The following ESS2 variants were observed in gnomAD, a reference collection of about 807,000 sequenced individuals.
The protein encoded by ESS2 is ess-2 spliceosome associated protein.
A neutral mutation model predicts 52.0 loss-of-function variants in ESS2; 31 were observed. The ratio of observed to expected loss-of-function variants is 0.60; its 90% CI spans 0.45 to 0.81. The LOEUF is 0.81. Ranked by LOEUF, ESS2 falls within the 30% of genes least tolerant of loss-of-function variation. ESS2 has a pLI of 0.00. For synonymous variants in ESS2, 285 were observed against 259.2 expected (o/e 1.10, Z -0.95); for missense variants, 602 against 637.2 (o/e 0.94, Z 0.59).
chr22:19,143,408 A>C (rs1283224309), intron 1 of ESS2, among the ~76,000 whole-genome samples: 1 of 152,164 alleles, frequency 6.6e-6, no homozygotes, highest in Middle Eastern at 3.4e-3. Flanking sequence ...TGCAACCTCT[A>C]ACATTACTAA....
chr22:19,140,307 G>A (rs1295990870), intron 3 of ESS2, among the ~76,000 whole-genome samples: 1 of 152,190 alleles, frequency 6.6e-6, no homozygotes, highest in African/African-American at 2.4e-5. Context: ...ATTCAGACTG[G>A]AGAAAGCAAT....
At position 19,137,323 on chromosome 22, in the gene ESS2, C is replaced by A; in HGVS notation, c.1035G>T (p.Lys345Asn). ...CAGTTCCCCCATCACCACAACCCAC[C>A]TTAAAAGCTGGGCCGGGTGTCCTGT... ...YVDRTPGPAF[K>N]ILEPGRRERL... The change falls in exon 8 of 10, where the codon AAG becomes AAT. Residue 345 changes from lysine (K) to asparagine (N), a missense_variant and splice_region_variant. Transcript: ENST00000252137. 1 of 1,611,322 alleles carries A rather than the reference C, an allele frequency of 6.2e-7. No individual in the cohort carries two copies. Among genetic ancestry groups the A allele is most frequent in the Non-Finnish European group, 8.5e-7 (1 of 1,178,382 alleles).
At chr22:19,137,480 C>T (rs2083604362) in intron 7 of ESS2, 48 bp from the exon 8 acceptor site, 1 of 1,382,740 alleles carries the variant, frequency 7.2e-7, no homozygotes, top group Non-Finnish European at 1.0e-6. Context: ...GACTCCCCAC[C>T]ACCCTCCCCT....
intron 3 of ESS2, among the ~76,000 whole-genome samples, chr22:19,141,544 C>T (rs1601362505): frequency 6.6e-6 from 1 of 152,340 alleles, no homozygotes; most frequent in South Asian, 2.1e-4. Context: ...ACAACTCTTT[C>T]ATCTGTTCCA....
chr22:19,134,687 G>C lies in ESS2; in HGVS notation c.1152-212C>G, dbSNP rs929283. Among the ~76,000 whole-genome samples, 7 of 152,186 alleles carry C rather than the reference G, an allele frequency of 4.6e-5. No individual in the cohort carries two copies. In the South Asian group the frequency reaches 1.2e-3, roughly 27 times the overall value. On this transcript the variant is annotated intron_variant, in intron 9 of 9. Transcript: ENST00000252137. ...AAACCTGAGGTCAAACAGCAGCACCGCCCTTGGCTGTGGGGGCTGGGGTGC... is the reference window on the plus strand; with the variant it reads ...AAACCTGAGGTCAAACAGCAGCACCCCCCTTGGCTGTGGGGGCTGGGGTGC...
chr22:19,142,843 G>C lies in ESS2; in HGVS notation c.187C>G (p.Gln63Glu). The C allele has an allele frequency of 6.2e-7, 1 of 1,614,098 alleles. No individual in the cohort carries two copies. The highest frequency in any genetic ancestry group is 8.5e-7 in the Non-Finnish European group (1 of 1,180,024). ...GCTTCCAGGTACTCCTTCTGTGCCTGGAGCTTCTCCACATCAGGAAAGAAA... is the reference window on the plus strand; with the variant it reads ...GCTTCCAGGTACTCCTTCTGTGCCTCGAGCTTCTCCACATCAGGAAAGAAA... ...RDFFPDVEKL[Q>E]AQKEYLEAEE... The change falls in exon 2 of 10, where the codon CAG becomes GAG. Residue 63 changes from glutamine to glutamate, a missense_variant. By Grantham distance (29) the Gln-to-Glu change is conservative. Coordinates refer to ENST00000252137, the MANE Select transcript of ESS2 (RefSeq NM_022719.3).
intron 6 of ESS2, 47 bp from the exon 7 acceptor site, chr22:19,138,364 T>G (rs1456263169): frequency 6.4e-7 from 1 of 1,562,996 alleles, no homozygotes; most frequent in East Asian, 2.3e-5. Context: ...CAGCCCACGC[T>G]CGACAGCTGG....
chr22:19,130,493 T>TA lies in ESS2; in HGVS notation c.*3702dup. 1 of 337,948 alleles carries TA rather than the reference T, an allele frequency of 3.0e-6. No homozygotes were observed. The highest frequency in any genetic ancestry group is 4.4e-5 in the Admixed American group (1 of 22,660). 20.9% of individuals were successfully genotyped at this position (337,948 alleles called of 1,614,324 possible). On this transcript the variant is annotated 3_prime_UTR_variant, in exon 10 of 10. Coordinates refer to ENST00000252137, the MANE Select transcript of ESS2 (RefSeq NM_022719.3). ...AAAAAAAATGCTTGCTAAGTCCGAT[T>TA]AAAAGGGGCCCAGTGCCTTCAAGGC...
chr22:19,131,053 T>C lies in ESS2; in HGVS notation c.*3143A>G, dbSNP rs1161438992. On this transcript the variant is annotated 3_prime_UTR_variant, in exon 10 of 10. Transcript: ENST00000252137. The surrounding 1 kb of genome is among the most constrained non-coding windows in gnomAD (Gnocchi z 5.7). ...TGGGCCGCCTCCCCTCCAGCTTGAC[T>C]TGTGACAGGGAAACCAATGCAGCAG... The C allele has an allele frequency of 3.8e-6, 1 of 262,762 alleles. No homozygotes were observed. Among genetic ancestry groups the C allele is most frequent in the Non-Finnish European group, 7.3e-6 (1 of 136,092 alleles). The allele number at this position is 262,762 out of a possible 1,614,324, so 16.3% of individuals were successfully genotyped here.
At chr22:19,140,601 CCT>C (rs2083669424) in intron 3 of ESS2, among the ~76,000 whole-genome samples, 1 of 152,124 alleles carries the variant, frequency 6.6e-6, no homozygotes. Context: ...AACACCCCCC[CCT>C]CCGACCAACC....
In ESS2 at chr22:19,134,338, G is replaced by C. The variant is rs137995273; in HGVS notation, c.1289C>G (p.Thr430Ser). 1 of 1,611,904 alleles carries C rather than the reference G, an allele frequency of 6.2e-7. No individual in the cohort carries two copies. Among genetic ancestry groups the C allele is most frequent in the African/African-American group, 1.3e-5 (1 of 74,900 alleles). The change falls in exon 10 of 10, where the codon ACC becomes AGC. Residue 430 changes from threonine (T) to serine (S), a missense_variant. By Grantham distance (58) the Thr-to-Ser change is moderately conservative. Transcript: ENST00000252137. ...PSPARSTHLK[T>S]PASGLQTPTS... ...GGGGGTCTGCAGCCCACTGGCCGGG[G>C]TCTTGAGGTGGGTGGAGCGTGCTGG...
intron 3 of ESS2, among the ~76,000 whole-genome samples, chr22:19,140,493 G>A (rs1038026061): frequency 2.6e-5 from 4 of 152,056 alleles, no homozygotes; most frequent in African/African-American, 4.8e-5. Context: ...GGTGGTCATC[G>A]CCTAATCATC....
chr22:19,132,224 CAAGCCCA>C lies in ESS2; in HGVS notation c.*1965_*1971del. 1 of 1,612,424 alleles carries C rather than the reference CAAGCCCA, an allele frequency of 6.2e-7. No individual in the cohort carries two copies. ...TCAGCCACTCGTGGCTGCAGCCCCC[CAAGCCCA>C]AAGCCACGTCTTCTGCCTCCTTCAA... On this transcript the variant is annotated 3_prime_UTR_variant, in exon 10 of 10. Coordinates refer to ENST00000252137, the MANE Select transcript of ESS2 (RefSeq NM_022719.3). This position sits in a 1 kb window ranked among gnomAD's most constrained non-coding sequence, Gnocchi z 4.2.
intron 1 of ESS2, 41 bp downstream of exon 1, chr22:19,144,465 G>A (rs2083749672): frequency 3.1e-6 from 5 of 1,610,554 alleles, no homozygotes; most frequent in African/African-American, 1.3e-5. Flanking sequence ...TGAAGCAGAG[G>A]ATGGGCCCAG....
intron 8 of ESS2, among the ~76,000 whole-genome samples, chr22:19,135,790 G>A (rs1244436651): frequency 6.6e-6 from 1 of 152,166 alleles, no homozygotes; most frequent in African/African-American, 2.4e-5. Flanking sequence ...CACTTTGGGA[G>A]GCCAAGGTGG....
Position 19,131,328 on chromosome 22 carries a change from A to G in ESS2, c.*2868T>C. On this transcript the variant is annotated 3_prime_UTR_variant, in exon 10 of 10. Coordinates refer to ENST00000252137, the MANE Select transcript of ESS2 (RefSeq NM_022719.3). This position sits in a 1 kb window ranked among gnomAD's most constrained non-coding sequence, Gnocchi z 5.7. ...CAGCCAGACGCCTCCGGTAGTGTAA[A>G]TGAGGACAATGCCTGCTGGCCCACA... 2.2e-6 allele frequency: 3 copies of G among 1,392,074 alleles called. No homozygotes were observed. Among genetic ancestry groups the G allele is most frequent in the Non-Finnish European group, 3.0e-6 (3 of 1,013,834 alleles). 86.2% of individuals were successfully genotyped at this position (1,392,074 alleles called of 1,614,324 possible). A position where few individuals can be genotyped will look rare whatever the true frequency, so the allele number is the denominator to read the frequency against.
Position 19,134,258 on chromosome 22 carries a change from C to A in ESS2, c.1369G>T (p.Ala457Ser), listed in dbSNP as rs772946229. ...ATRTPLTQDP[A>S]SITDNLLQLP... ...TGCAGCAGGTTGTCCGTGATGGAGG[C>A]CGGGTCCTGTGTGAGAGGGGTGCGT... The change falls in exon 10 of 10, where the codon GCC (alanine) becomes TCC (serine). Residue 457 changes from alanine (A) to serine (S), a missense_variant. By Grantham distance (99) the Ala-to-Ser change is moderately conservative (BLOSUM62 1). Coordinates refer to ENST00000252137, the MANE Select transcript of ESS2 (RefSeq NM_022719.3). 4.3e-5 allele frequency: 67 copies of A among 1,571,918 alleles called. No homozygotes were observed. Among genetic ancestry groups the A allele is most frequent in the Admixed American group, 9.2e-5 (5 of 54,186 alleles).
In ESS2 at chr22:19,138,489, C is replaced by T. The variant is rs922941232; in HGVS notation, c.823-172G>A. On this transcript the variant is annotated intron_variant, in intron 6 of 9. Transcript: ENST00000252137. Reference sequence around the variant, plus strand: ...AAGAGAGGGAGGGCCCCTGCCCCAACCCCCCAAAAGACCTTGAGGGCCTGT... The same window carrying T: ...AAGAGAGGGAGGGCCCCTGCCCCAATCCCCCAAAAGACCTTGAGGGCCTGT... The T allele has an allele frequency of 4.1e-6, 3 of 738,294 alleles. No homozygotes were observed. The South Asian group carries it at 4.5e-5, about 11-fold the overall frequency. 45.7% of individuals were successfully genotyped at this position (738,294 alleles called of 1,614,324 possible).
chr22:19,131,484 G>T lies in ESS2; in HGVS notation c.*2712C>A. The T allele has an allele frequency of 6.2e-7, 1 of 1,614,142 alleles. No individual in the cohort carries two copies. The stretch of plus-strand genomic sequence containing the variant: ...GGGTTCCTACGCAAAAGTCAAATCT[G>T]CCTACTCTGAGCGCCTCAAGTTCAA... On this transcript the variant is annotated 3_prime_UTR_variant, in exon 10 of 10. Transcript: ENST00000252137. The surrounding 1 kb of genome is among the most constrained non-coding windows in gnomAD (Gnocchi z 5.7).
Sources: gnomAD v4.1 joint callset for allele counts (sites outside exome capture counted in the v4.1 genomes callset) on GRCh38, gnomAD v4.1.1 for gene constraint, Gnocchi (gnomAD v3.1) non-coding constraint, MANE v1.5 for transcripts, NCBI Gene and HGNC (gene_info 2026-07-23, HGNC 2026-07-21) for gene names.